The following GRK3 variants were observed in gnomAD, a reference collection of about 807,000 sequenced individuals.
The protein encoded by GRK3 is G protein-coupled receptor kinase 3.
GRK3 carries 54 observed loss-of-function variants against 95.7 expected under a neutral mutation model. That is an observed-to-expected ratio of 0.56 (90% CI 0.45 to 0.71). The LOEUF is 0.71. Among genes scored for constraint, GRK3 ranks in the 30% least tolerant of loss-of-function variants. The pLI, the probability that GRK3 is intolerant of heterozygous loss-of-function variation, is 0.00. For missense variants in GRK3, 649 were observed against 851.2 expected (o/e 0.76, Z 2.96); for synonymous variants, 281 against 290.8 (o/e 0.97, Z 0.34).
intron 18 of GRK3, among the ~76,000 whole-genome samples, chr22:25,715,987 A>G (rs1465076251): frequency 6.6e-6 from 1 of 151,842 alleles, no homozygotes; most frequent in African/African-American, 2.4e-5. Flanking sequence ...TTTATTTGTA[A>G]GCTCTTCTTT....
chr22:25,590,505 C>T (rs1474741641), intron 1 of GRK3, among the ~76,000 whole-genome samples: 1 of 152,164 alleles, frequency 6.6e-6, no homozygotes, highest in Non-Finnish European at 1.5e-5. Context: ...GTTTTACTTA[C>T]TGCATCCTAA....
intron 1 of GRK3, among the ~76,000 whole-genome samples, chr22:25,596,193 C>T (rs1401974982): frequency 1.3e-5 from 2 of 152,050 alleles, no homozygotes; most frequent in African/African-American, 4.8e-5. Flanking sequence ...AACACTTCTT[C>T]AAGAGTATTC....
At chr22:25,711,472 C>A (rs1446241151) in intron 17 of GRK3, among the ~76,000 whole-genome samples, 1 of 152,098 alleles carries the variant, frequency 6.6e-6, no homozygotes, top group Non-Finnish European at 1.5e-5. Flanking sequence ...ATCAAACATA[C>A]TTCCCTAGTG....
At chr22:25,690,381 T>G (rs895783715) in intron 12 of GRK3, 98 bp downstream of exon 12, 14 of 844,026 alleles carry the variant, frequency 1.7e-5, no homozygotes, top group Non-Finnish European at 2.1e-5. Flanking sequence ...GTGGTGATTT[T>G]CAATATGTCA....
At chr22:25,685,136 G>A (rs2085102756) in intron 9 of GRK3, 34 bp from the exon 10 acceptor site, 1 of 1,479,290 alleles carries the variant, frequency 6.8e-7, no homozygotes, top group Admixed American at 1.7e-5. Context: ...GGCAGCTTTT[G>A]CTCTTCTTAT....
At chr22:25,583,343 C>T (rs988992008) in intron 1 of GRK3, among the ~76,000 whole-genome samples, 2 of 147,796 alleles carry the variant, frequency 1.4e-5, no homozygotes, top group African/African-American at 2.5e-5. Context: ...TGTGGCCTGG[C>T]GTTTTTCTGT....
intron 2 of GRK3, among the ~76,000 whole-genome samples, chr22:25,640,918 G>A (rs1450037417): frequency 6.6e-6 from 1 of 152,156 alleles, no homozygotes. Context: ...GCGATGAAGT[G>A]AACTTGTTAG....
At chr22:25,602,614 G>C (rs1306012173) in intron 1 of GRK3, among the ~76,000 whole-genome samples, 6 of 152,220 alleles carry the variant, frequency 3.9e-5, no homozygotes, top group Non-Finnish European at 8.8e-5. Flanking sequence ...ACAATGGCAT[G>C]CTGTTTGGCA....
intron 1 of GRK3, among the ~76,000 whole-genome samples, chr22:25,592,739 C>G (rs74549558): frequency 6.6e-6 from 1 of 152,298 alleles, no homozygotes; most frequent in South Asian, 2.1e-4. Context: ...TGGGGTATGA[C>G]TGATCCCATT....
chr22:25,689,211 A>G (rs2085145777), intron 11 of GRK3, among the ~76,000 whole-genome samples: 1 of 152,214 alleles, frequency 6.6e-6, no homozygotes, highest in Non-Finnish European at 1.5e-5. Context: ...AAATAACTAG[A>G]CAATAGTTGG....
chr22:25,648,082 C>G lies in GRK3; in HGVS notation c.264+3417C>G, dbSNP rs1601499549. ...AGTGAGCTGAGATCGCGCCACTGCACTCCAGCCTCGGCGACAAGAGCAAAA... is the reference window on the plus strand; with the variant it reads ...AGTGAGCTGAGATCGCGCCACTGCAGTCCAGCCTCGGCGACAAGAGCAAAA... On this transcript the variant is annotated intron_variant, in intron 3 of 20. Transcript: ENST00000324198. 7 of 553,438 alleles carry G rather than the reference C, an allele frequency of 1.3e-5. No homozygotes were observed. In the East Asian group the frequency reaches 1.9e-4, roughly 15 times the overall value. 34.3% of individuals were successfully genotyped at this position (553,438 alleles called of 1,614,324 possible).
chr22:25,718,214 AT>A lies in GRK3; in HGVS notation c.1655-28del. 3 of 1,605,480 alleles carry A rather than the reference AT, an allele frequency of 1.9e-6. No individual in the cohort carries two copies. The South Asian group carries it at 3.3e-5, about 18-fold the overall frequency. On this transcript the variant is annotated intron_variant, in intron 18 of 20. Coordinates refer to ENST00000324198, the MANE Select transcript of GRK3 (RefSeq NM_005160.4). ...GCTAAGACATTTTGTTTCAGAGCCT[AT>A]TTAACTCCTAGTGATTTTGTATTCC...
At chr22:25,712,349 C>G (rs2085350573) in intron 17 of GRK3, among the ~76,000 whole-genome samples, 1 of 152,230 alleles carries the variant, frequency 6.6e-6, no homozygotes, top group Non-Finnish European at 1.5e-5. Flanking sequence ...CAGGCATCGT[C>G]TGTAGCCGGA....
chr22:25,638,797 C>T (rs566662446), intron 2 of GRK3, among the ~76,000 whole-genome samples: 24 of 152,296 alleles, frequency 1.6e-4, no homozygotes, highest in African/African-American at 5.1e-4. Context: ...AGGTATTGTC[C>T]GTCCTCCTCA....
intron 6 of GRK3, 96 bp downstream of exon 6, chr22:25,667,896 A>G (rs2084953065): frequency 1.4e-6 from 1 of 717,816 alleles, no homozygotes; most frequent in Non-Finnish European, 2.4e-6. Flanking sequence ...TGTGTTAATC[A>G]TTTAGCAAGT....
chr22:25,605,294 G>T (rs1211746825), intron 2 of GRK3, among the ~76,000 whole-genome samples: 3 of 152,206 alleles, frequency 2.0e-5, no homozygotes, highest in Non-Finnish European at 4.4e-5. Flanking sequence ...GCCATATAGA[G>T]ATATTTCATC....
chr22:25,605,505 G>A (rs1166503526), intron 2 of GRK3, among the ~76,000 whole-genome samples: 2 of 152,172 alleles, frequency 1.3e-5, no homozygotes, highest in Admixed American at 6.5e-5. Flanking sequence ...ATCTCTGAGA[G>A]TGGAGGGAAA....
intron 3 of GRK3, chr22:25,649,317 A>T: frequency 7.0e-6 from 5 of 718,252 alleles, no homozygotes; most frequent in Non-Finnish European, 1.2e-5. Context: ...CAAAAGAAGA[A>T]AATCTTCTTT....
At chr22:25,582,639 C>T (rs1180992058) in intron 1 of GRK3, among the ~76,000 whole-genome samples, 1 of 152,150 alleles carries the variant, frequency 6.6e-6, no homozygotes, top group Non-Finnish European at 1.5e-5. Flanking sequence ...CCTCTAGCAA[C>T]TAAAACAGTG....
Sources: allele counts gnomAD v4.1 joint callset (sites outside exome capture counted in the v4.1 genomes callset), GRCh38; gene constraint gnomAD v4.1.1; transcripts MANE v1.5; gene names NCBI Gene and HGNC (gene_info 2026-07-23, HGNC 2026-07-21).